The following ABHD8 variants were observed in gnomAD, a reference collection of about 807,000 sequenced individuals.
The protein encoded by ABHD8 is abhydrolase domain containing 8, also known as protein ABHD8.
In ABHD8, 10 loss-of-function variants were observed where a neutral mutation model predicts 29.3. That is an observed-to-expected ratio of 0.34 (90% CI 0.21 to 0.58). ABHD8 has a LOEUF of 0.58. ABHD8 is among the 20% of genes least tolerant of loss of function. The probability of loss-of-function intolerance (pLI) is 0.85; values close to 1 mark genes in which losing one functional copy is unlikely to be tolerated. For synonymous variants in ABHD8, 282 were observed against 274.6 expected (o/e 1.03, Z -0.27); for missense variants, 556 against 615.3 (o/e 0.90, Z 1.02).
Position 17,294,291 on chromosome 19 carries a change from G to A in ABHD8, c.1146C>T (p.Ala382=). The change falls in exon 4 of 5, where the codon GCC becomes GCT. Residue 382 remains alanine, a synonymous_variant. Coordinates refer to ENST00000247706, the MANE Select transcript of ABHD8 (RefSeq NM_024527.5). ...FVPVEEDQRM[A]EILLLAFLKL... ...CGCCCCAGGTGCCCGCCTCTACCTCGGCCATGCGCTGGTCTTCCTCCACCG... is the reference window on the plus strand; with the variant it reads ...CGCCCCAGGTGCCCGCCTCTACCTCAGCCATGCGCTGGTCTTCCTCCACCG... 4 of 1,601,988 alleles carry A rather than the reference G, an allele frequency of 2.5e-6. No individual in the cohort carries two copies. The highest frequency in any genetic ancestry group is 1.1e-5 in the South Asian group (1 of 91,004).
Position 17,294,284 on chromosome 19 carries a change from C to G in ABHD8, c.1149+4G>C. ...GCTGTGGCGCCCCAGGTGCCCGCCTCTACCTCGGCCATGCGCTGGTCTTCC... is the reference window on the plus strand; with the variant it reads ...GCTGTGGCGCCCCAGGTGCCCGCCTGTACCTCGGCCATGCGCTGGTCTTCC... On this transcript the variant is annotated splice_donor_region_variant and intron_variant, in intron 4 of 4. Transcript: ENST00000247706. The G allele has an allele frequency of 6.3e-7, 1 of 1,599,888 alleles. No individual in the cohort carries two copies. Among genetic ancestry groups the G allele is most frequent in the Non-Finnish European group, 8.5e-7 (1 of 1,177,998 alleles).
At chr19:17,297,861 G>A (rs1283206709) in intron 2 of ABHD8, 1 of 149,720 alleles carries the variant, frequency 6.7e-6, no homozygotes, top group Non-Finnish European at 1.5e-5. Context: ...TTCCCAAAGT[G>A]TTGGGATTAT....
Position 17,301,318 on chromosome 19 carries a change from C to G in ABHD8, c.299G>C (p.Arg100Pro), listed in dbSNP as rs763907147. 41 of 1,607,452 alleles carry G rather than the reference C, an allele frequency of 2.6e-5. No individual in the cohort carries two copies. The highest frequency in any genetic ancestry group is 2.2e-4 in the Admixed American group (13 of 59,996). ...ATTCTGCCCGTGTAGGAGGTCGGCT[C>G]GAGGGGCTCGGCCCAGGTTTTCCAC... is the stretch of plus-strand genomic sequence containing the variant. ...LLVENLGRAP[R>P]ADLLHGQNGS... The change falls in exon 2 of 5, where the codon CGA (arginine) becomes CCA (proline). Residue 100 changes from arginine to proline, a missense_variant. By Grantham distance (103) the Arg-to-Pro change is moderately radical (BLOSUM62 -2). Coordinates refer to ENST00000247706, the MANE Select transcript of ABHD8 (RefSeq NM_024527.5).
Position 17,300,912 on chromosome 19 carries a change from T to C in ABHD8, c.705A>G (p.Arg235=). Residue 235 remains arginine, a synonymous_variant, in exon 2 of 5, where the codon CGA becomes CGG. Transcript: ENST00000247706. ...YTFYALAEDM[R]AIFKRYAKKR... is the part of the protein sequence containing the mutation. ...TCTTGGCATAGCGCTTGAAGATTGC[T>C]CGCATGTCCTCAGCCAGCGCATAGA... 6.2e-7 allele frequency: 1 copy of C among 1,608,812 alleles called. No individual in the cohort carries two copies. Among genetic ancestry groups the C allele is most frequent in the Non-Finnish European group, 8.5e-7 (1 of 1,176,482 alleles).
At chr19:17,301,776 TTGTGTG>T (rs10679164) in intron 1 of ABHD8, among the ~76,000 whole-genome samples, 152 bp from the exon 2 acceptor site, 226 of 147,456 alleles carry the variant, frequency 1.5e-3, no homozygotes, top group Middle Eastern at 0.01. Flanking sequence ...ATTTTTTTGT[TTGTGTG>T]TGTGTGTGTG....
At chr19:17,301,776 T>TTGTGTGTGTGTGTGTG (rs10679164) in intron 1 of ABHD8, among the ~76,000 whole-genome samples, 152 bp from the exon 2 acceptor site, 8 of 147,464 alleles carry the variant, frequency 5.4e-5, no homozygotes, top group African/African-American at 2.0e-4. Context: ...ATTTTTTTGT[T>TTGTGTGTGTGTGTGTG]TGTGTGTGTG....
rs1362001772 is a variant in ABHD8, at chr19:17,292,665, T to A, written c.1316A>T (p.Lys439Met). ...GATGCCCCGCCGGCCCAGCGGCTAC[T>A]TCTTGTCTTCTGGAGGCGCCGGCAG... ...EPLPAPPEDKK is the reference protein window; with the variant it reads ...EPLPAPPEDKM Residue 439 changes from lysine to methionine, a missense_variant, in exon 5 of 5, where the codon AAG becomes ATG. Coordinates refer to ENST00000247706, the MANE Select transcript of ABHD8 (RefSeq NM_024527.5). 6.2e-7 allele frequency: 1 copy of A among 1,609,796 alleles called. No homozygotes were observed. Among genetic ancestry groups the A allele is most frequent in the Non-Finnish European group, 8.5e-7 (1 of 1,178,478 alleles).
intron 4 of ABHD8, 41 bp downstream of exon 4, chr19:17,294,247 T>C (rs751508698): frequency 3.2e-6 from 5 of 1,582,466 alleles, no homozygotes; most frequent in Non-Finnish European, 4.3e-6. Context: ...GGCAGCACCC[T>C]GGGGATTTGT....
At chr19:17,301,732 G>A in intron 1 of ABHD8, 108 bp from the exon 2 acceptor site, 8 of 1,310,664 alleles carry the variant, frequency 6.1e-6, no homozygotes, top group Non-Finnish European at 7.9e-6. Context: ...CTCCAGTTTG[G>A]GGAGCGCCAG....
Position 17,292,505 on chromosome 19 carries a change from G to T in ABHD8, c.*156C>A. 1.1e-6 allele frequency: 1 copy of T among 879,352 alleles called. No homozygotes were observed. The allele number at this position is 879,352 out of a possible 1,614,324, so 54.5% of individuals were successfully genotyped here. A position where few individuals can be genotyped will look rare whatever the true frequency, so the allele number is the denominator to read the frequency against. On this transcript the variant is annotated 3_prime_UTR_variant, in exon 5 of 5. Transcript: ENST00000247706. ...TCCGCTGGGCTCCCTCGGATGCCAC[G>T]CCCCGCCCAGGCAGCCTGGGGGCGT...
chr19:17,301,767 T>A (rs1280805094), intron 1 of ABHD8, 143 bp from the exon 2 acceptor site: 2 of 963,478 alleles, frequency 2.1e-6, no homozygotes, highest in African/African-American at 4.1e-5. Flanking sequence ...GGCACTGAGA[T>A]TTTTTTGTTT....
At position 17,292,207 on chromosome 19, in the gene ABHD8, C is replaced by A. The variant is rs138165311; in HGVS notation, c.*454G>T. 28 of 199,368 alleles carry A rather than the reference C, an allele frequency of 1.4e-4. 1 individual carries two copies. The highest frequency in any genetic ancestry group is 5.4e-4 in the Admixed American group (9 of 16,644). 12.3% of individuals were successfully genotyped at this position (199,368 alleles called of 1,614,324 possible). On this transcript the variant is annotated 3_prime_UTR_variant, in exon 5 of 5. Transcript: ENST00000247706. ...GTGGCGCCAGCCCCCCCATCCCCCC[C>A]CCTTGGGCAAAAATAGCTCCCAGCG...
intron 2 of ABHD8, among the ~76,000 whole-genome samples, chr19:17,297,494 C>A (rs2074098186): frequency 6.6e-6 from 1 of 151,992 alleles, no homozygotes; most frequent in Non-Finnish European, 1.5e-5. Context: ...CGGGGTTTCA[C>A]CATTTTGGCC....
chr19:17,297,546 G>A (rs531230363), intron 2 of ABHD8, among the ~76,000 whole-genome samples: 14 of 152,024 alleles, frequency 9.2e-5, no homozygotes, highest in South Asian at 8.3e-4. Context: ...CGCCTGCCTC[G>A]GCCTCCAAAA....
chr19:17,299,211 A>G (rs2074106012), intron 2 of ABHD8, among the ~76,000 whole-genome samples: 1 of 148,456 alleles, frequency 6.7e-6, no homozygotes, highest in African/African-American at 2.5e-5. Flanking sequence ...GGAGTTCAAG[A>G]CCAGCCTGGG....
Position 17,301,589 on chromosome 19 carries a change from A to G in ABHD8, c.28T>C (p.Phe10Leu). MLTGVTDGIFCCLLGTPPNA... is the reference protein window; with the variant it reads MLTGVTDGILCCLLGTPPNA... ...GGGGGCGTGCCCAGCAGGCAACAGA[A>G]GATACCGTCGGTCACCCCGGTCAGC... is the stretch of plus-strand genomic sequence containing the variant. The change falls in exon 2 of 5, where the codon TTC becomes CTC. Residue 10 changes from phenylalanine (F) to leucine (L), a missense_variant. Coordinates refer to ENST00000247706, the MANE Select transcript of ABHD8 (RefSeq NM_024527.5). 6.3e-7 allele frequency: 1 copy of G among 1,576,066 alleles called. No individual in the cohort carries two copies.
At position 17,301,425 on chromosome 19, in the gene ABHD8, G is replaced by A. The variant is rs61735361; in HGVS notation, c.192C>T (p.Ser64=). The A allele has an allele frequency of 1.8e-3, 2,838 of 1,612,154 alleles. 38 individuals carry two copies. The African/African-American group carries it at 0.032, about 18-fold the overall frequency. Reference sequence around the variant, plus strand: ...AGAGGTCCCCCTGGGCTGCATCCGAGGATGCGGATGATGGTGGAGGTGGGG... The same window carrying A: ...AGAGGTCCCCCTGGGCTGCATCCGAAGATGCGGATGATGGTGGAGGTGGGG... ...AAAPPPPSSA[S]SDAAQGDLSG... is the part of the protein sequence containing the mutation. Residue 64 remains serine, a synonymous_variant, in exon 2 of 5, where the codon TCC becomes TCT. Coordinates refer to ENST00000247706, the MANE Select transcript of ABHD8 (RefSeq NM_024527.5).
At chr19:17,298,536 G>A (rs1451369682) in intron 2 of ABHD8, 1 of 152,004 alleles carries the variant, frequency 6.6e-6, no homozygotes, top group Non-Finnish European at 1.5e-5. Context: ...TAAGGCAGTG[G>A]TTCTCAGCTG....
At chr19:17,294,552 G>A in intron 3 of ABHD8, 48 bp from the exon 4 acceptor site, 1 of 1,611,268 alleles carries the variant, frequency 6.2e-7, no homozygotes, top group East Asian at 2.2e-5. Context: ...CAGCCCGACT[G>A]CCGTGGGGTG....
Sources: gnomAD v4.1 joint callset for allele counts (sites outside exome capture counted in the v4.1 genomes callset) on GRCh38, gnomAD v4.1.1 for gene constraint, MANE v1.5 for transcripts, NCBI Gene and HGNC (gene_info 2026-07-23, HGNC 2026-07-21) for gene names.